GALNT13: variants seen among roughly 807,000 people sequenced by gnomAD.
The protein encoded by GALNT13 is UDP-GalNAc:polypeptide N-acetylgalactosaminyltransferase 13.
Under a neutral mutation model 64.2 loss-of-function variants are expected in GALNT13, and 28 were observed. The observed-to-expected ratio is 0.44, with a 90% CI of 0.32 to 0.60. The LOEUF (loss-of-function observed/expected upper bound fraction) is 0.60, where lower values mean the gene tolerates loss of function less well. GALNT13 is among the 20% of genes least tolerant of loss of function. The pLI, the probability that GALNT13 is intolerant of heterozygous loss-of-function variation, is 0.05. For synonymous variants in GALNT13, 214 were observed against 224.6 expected (o/e 0.95, Z 0.42); for missense variants, 577 against 669.8 (o/e 0.86, Z 1.53).
the GALNT13 span, among the ~76,000 whole-genome samples, chr2:153,181,882 ATATT>A: frequency 6.8e-6 from 1 of 147,158 alleles, no homozygotes; most frequent in Non-Finnish European, 1.5e-5. Flanking sequence ...TTATATAAAC[ATATT>A]TATATAGTCA....
the GALNT13 span, among the ~76,000 whole-genome samples, chr2:153,120,700 T>C: frequency 6.6e-5 from 10 of 152,172 alleles, no homozygotes; most frequent in Non-Finnish European, 1.2e-4. Flanking sequence ...TATTTGTTAT[T>C]TAGTACAAGC....
Position 154,052,442 on chromosome 2 carries a change from C to T in GALNT13, c.143-87895C>T, listed in dbSNP as rs543636979. On this transcript the variant is annotated intron_variant, in intron 3 of 12. Coordinates refer to ENST00000392825, the MANE Select transcript of GALNT13 (RefSeq NM_052917.4). The stretch of plus-strand genomic sequence containing the variant: ...ACTCTCTTCCTAAAGTTTTTCTTAT[C>T]ACCTCATTTAGATTTTTTTCTTCTC... Among the ~76,000 whole-genome samples the T allele has an allele frequency of 2.4e-4, 36 of 152,242 alleles. No homozygotes were observed. In the South Asian group the frequency reaches 7.5e-3, roughly 32 times the overall value.
intron 4 of GALNT13, among the ~76,000 whole-genome samples, chr2:154,227,929 T>G (rs1228124566): frequency 1.3e-5 from 2 of 152,134 alleles, no homozygotes; most frequent in African/African-American, 4.8e-5. Context: ...ATTTATTGAA[T>G]TCTGTTTTTA....
At chr2:153,152,113 C>T in the GALNT13 span, among the ~76,000 whole-genome samples, 2 of 151,936 alleles carry the variant, frequency 1.3e-5, no homozygotes, top group Non-Finnish European at 1.5e-5. Flanking sequence ...ATATTTGACA[C>T]CTTGCCCTTT....
At chr2:153,751,393 G>C in the GALNT13 span, among the ~76,000 whole-genome samples, 2 of 150,742 alleles carry the variant, frequency 1.3e-5, no homozygotes, top group Non-Finnish European at 3.0e-5. Context: ...CTGATGTTCT[G>C]TTTGGAAGAT....
chr2:153,610,557 C>T, the GALNT13 span, among the ~76,000 whole-genome samples: 1 of 152,184 alleles, frequency 6.6e-6, no homozygotes, highest in Admixed American at 6.5e-5. Context: ...CACCTGTAAT[C>T]CCAGCTACTT....
chr2:154,320,114 T>C (rs1406202604), intron 9 of GALNT13, among the ~76,000 whole-genome samples: 1 of 152,132 alleles, frequency 6.6e-6, no homozygotes, highest in Non-Finnish European at 1.5e-5. Flanking sequence ...AAAATGGACA[T>C]TTTTAAGGGT....
the GALNT13 span, among the ~76,000 whole-genome samples, chr2:153,629,740 C>A: frequency 6.6e-6 from 1 of 150,698 alleles, no homozygotes; most frequent in Non-Finnish European, 1.5e-5. Flanking sequence ...ATTTTCGCAA[C>A]CTACTCATCT....
At chr2:154,210,771 T>G (rs1278520343) in intron 4 of GALNT13, among the ~76,000 whole-genome samples, 1 of 152,136 alleles carries the variant, frequency 6.6e-6, no homozygotes, top group East Asian at 1.9e-4. Flanking sequence ...TTTAGGAGAT[T>G]GTTTTTCTAG....
the GALNT13 span, among the ~76,000 whole-genome samples, chr2:153,098,752 AG>A: frequency 6.6e-6 from 1 of 152,286 alleles, no homozygotes; most frequent in African/African-American, 2.4e-5. Context: ...CATGTTTCTC[AG>A]GGTGGAATTG....
the GALNT13 span, among the ~76,000 whole-genome samples, chr2:153,724,711 A>T: frequency 2.4e-5 from 3 of 125,080 alleles, no homozygotes; most frequent in East Asian, 7.2e-4. Context: ...AAAAATGCTC[A>T]TCATCACTGG....
At chr2:154,168,706 G>A (rs547200659) in intron 4 of GALNT13, among the ~76,000 whole-genome samples, 1 of 150,694 alleles carries the variant, frequency 6.6e-6, no homozygotes, top group African/African-American at 2.4e-5. Context: ...AGCCAAGCAT[G>A]GTGGTGGGTG....
the GALNT13 span, among the ~76,000 whole-genome samples, chr2:153,511,695 T>G: frequency 6.6e-6 from 1 of 152,214 alleles, no homozygotes; most frequent in Non-Finnish European, 1.5e-5. Flanking sequence ...GATAACAAGA[T>G]GACTGATTTT....
the GALNT13 span, among the ~76,000 whole-genome samples, chr2:153,683,683 A>T: frequency 6.6e-6 from 1 of 151,644 alleles, no homozygotes; most frequent in Non-Finnish European, 1.5e-5. Context: ...TGCCTCTCAA[A>T]TTGTTCTGAG....
the GALNT13 span, among the ~76,000 whole-genome samples, chr2:153,631,168 C>G: frequency 6.6e-6 from 1 of 152,180 alleles, no homozygotes; most frequent in Admixed American, 6.6e-5. Context: ...GCATAGTATT[C>G]CATGGCATAT....
the GALNT13 span, among the ~76,000 whole-genome samples, chr2:153,413,121 A>G: frequency 1.3e-5 from 2 of 152,140 alleles, no homozygotes; most frequent in Non-Finnish European, 2.9e-5. Flanking sequence ...GGCTGTCTTG[A>G]GAGGAGTAGT....
At chr2:153,195,698 A>C in the GALNT13 span, among the ~76,000 whole-genome samples, 257 of 152,328 alleles carry the variant, frequency 1.7e-3, 1 homozygote, top group Non-Finnish European at 2.9e-3. Flanking sequence ...CGAGCAAGGG[A>C]CATGTCTCAG....
the GALNT13 span, among the ~76,000 whole-genome samples, chr2:153,686,538 G>A: frequency 1.3e-5 from 2 of 151,842 alleles, no homozygotes; most frequent in South Asian, 2.1e-4. Context: ...AGAAGCTTTG[G>A]GGCTCAGACT....
At chr2:154,215,561 C>T (rs534127419) in intron 4 of GALNT13, among the ~76,000 whole-genome samples, 2 of 152,146 alleles carry the variant, frequency 1.3e-5, no homozygotes, top group African/African-American at 2.4e-5. Context: ...TCTTTTCCAG[C>T]CAATAGGTAG....
Sources: allele counts gnomAD v4.1 joint callset (sites outside exome capture counted in the v4.1 genomes callset), GRCh38; gene constraint gnomAD v4.1.1; transcripts MANE v1.5; gene names NCBI Gene and HGNC (gene_info 2026-07-23, HGNC 2026-07-21).